Variants in SMYD3 observed in about 807,000 individuals in gnomAD.
SMYD3 encodes the protein histone-lysine N-methyltransferase SMYD3.
SMYD3 carries 36 observed loss-of-function variants against 57.7 expected under a neutral mutation model. The ratio of observed to expected loss-of-function variants is 0.62; its 90% CI spans 0.48 to 0.82. The LOEUF is 0.82. Ranked by LOEUF, SMYD3 falls within the 40% of genes least tolerant of loss-of-function variation. The probability of loss-of-function intolerance (pLI) is 0.00; values close to 1 mark genes in which losing one functional copy is unlikely to be tolerated. For synonymous variants in SMYD3, 211 were observed against 195.0 expected (o/e 1.08, Z -0.68); for missense variants, 515 against 538.8 (o/e 0.96, Z 0.44).
At chr1:246,329,244 T>G (rs999158554) in intron 4 of SMYD3, among the ~76,000 whole-genome samples, 5 of 152,190 alleles carry the variant, frequency 3.3e-5, no homozygotes, top group Non-Finnish European at 7.4e-5. Context: ...TTTCTAGTTC[T>G]AGATCCCTGA....
intron 8 of SMYD3, among the ~76,000 whole-genome samples, chr1:245,888,657 G>A (rs1382582073): frequency 6.6e-6 from 1 of 152,170 alleles, no homozygotes; most frequent in East Asian, 1.9e-4. Flanking sequence ...CTGACTTTCT[G>A]ACAAACCACT....
intron 11 of SMYD3, among the ~76,000 whole-genome samples, chr1:245,754,170 T>A (rs188863424): frequency 6.6e-6 from 1 of 152,212 alleles, no homozygotes; most frequent in East Asian, 1.9e-4. Flanking sequence ...TCTGTTTTTT[T>A]AAGTAATTTT....
intron 8 of SMYD3, among the ~76,000 whole-genome samples, chr1:245,890,830 T>C (rs534731238): frequency 7.2e-5 from 11 of 152,256 alleles, no homozygotes; most frequent in Admixed American, 5.9e-4. Flanking sequence ...TGAGTGTCTG[T>C]TGATAGATGA....
At chr1:246,280,325 T>G (rs2064416997) in intron 5 of SMYD3, among the ~76,000 whole-genome samples, 1 of 152,232 alleles carries the variant, frequency 6.6e-6, no homozygotes, top group Non-Finnish European at 1.5e-5. Flanking sequence ...GCACATGATA[T>G]AGTCAGGCTT....
intron 5 of SMYD3, among the ~76,000 whole-genome samples, chr1:246,111,012 C>T (rs764675094): frequency 7.2e-5 from 11 of 152,162 alleles, no homozygotes; most frequent in South Asian, 4.1e-4. Context: ...CAAATCCTTG[C>T]GCAAAGAGAA....
chr1:246,034,758 A>T (rs74154349), intron 5 of SMYD3: 16,490 of 152,400 alleles, frequency 0.11, 1,678 homozygotes, highest in African/African-American at 0.26. Flanking sequence ...TGAAGAACTG[A>T]TGGCAGACGC....
intron 10 of SMYD3, among the ~76,000 whole-genome samples, chr1:245,796,907 T>C (rs2047547233): frequency 6.6e-6 from 1 of 152,130 alleles, no homozygotes; most frequent in East Asian, 1.9e-4. Flanking sequence ...GCATCACAAT[T>C]CCAATTAGTC....
chr1:246,121,089 T>A (rs2061417327), intron 5 of SMYD3, among the ~76,000 whole-genome samples: 1 of 152,216 alleles, frequency 6.6e-6, no homozygotes, highest in Admixed American at 6.5e-5. Context: ...AATACAGCTT[T>A]TAAGACAGAA....
intron 5 of SMYD3, among the ~76,000 whole-genome samples, chr1:245,942,251 A>C (rs2057275254): frequency 6.6e-6 from 1 of 152,238 alleles, no homozygotes; most frequent in African/African-American, 2.4e-5. Context: ...GTGCAAAGAC[A>C]CACGCAGGCT....
intron 8 of SMYD3, among the ~76,000 whole-genome samples, chr1:245,887,646 A>T (rs2053162280): frequency 6.6e-6 from 1 of 152,174 alleles, no homozygotes; most frequent in East Asian, 1.9e-4. Flanking sequence ...AAGTCTTTCT[A>T]GACTGACCAG....
At chr1:245,800,854 A>G (rs751389026) in intron 10 of SMYD3, among the ~76,000 whole-genome samples, 40 of 152,308 alleles carry the variant, frequency 2.6e-4, no homozygotes, top group Non-Finnish European at 7.3e-5. Flanking sequence ...GTGGCTAAAG[A>G]GTAATACCAC....
intron 5 of SMYD3, chr1:246,113,645 C>T (rs1009853220): frequency 3.3e-5 from 5 of 152,194 alleles, no homozygotes; most frequent in African/African-American, 1.2e-4. Flanking sequence ...TTTATCACGT[C>T]GTATTATCAC....
chr1:246,419,465 T>C (rs545430969), intron 1 of SMYD3, among the ~76,000 whole-genome samples: 8 of 152,318 alleles, frequency 5.3e-5, no homozygotes, highest in East Asian at 1.9e-4. Context: ...TGGGTTTTTA[T>C]AGGCCCAGGA....
chr1:245,775,669 C>T (rs1179415618), intron 10 of SMYD3, among the ~76,000 whole-genome samples: 1 of 149,994 alleles, frequency 6.7e-6, no homozygotes, highest in African/African-American at 2.5e-5. Context: ...TATGACCCTG[C>T]CAAATCCCCC....
In SMYD3 at chr1:245,767,295, T is replaced by A. The variant is rs115282741; in HGVS notation, c.1077-3146A>T. ...GTGAGGACTAAAGCAGGAGTCTGAG[T>A]GAGAAGGTGAGGGGAAGATGCACCT... is the stretch of plus-strand genomic sequence containing the variant. On this transcript the variant is annotated intron_variant, in intron 10 of 11. Transcript: ENST00000490107. Among the ~76,000 whole-genome samples, 341 of 151,966 alleles carry A rather than the reference T, an allele frequency of 2.2e-3. 1 individual carries two copies. Among genetic ancestry groups the A allele is most frequent in the Non-Finnish European group, 4.0e-3 (272 of 67,942 alleles).
chr1:246,135,857 C>T (rs1381321543), intron 5 of SMYD3, among the ~76,000 whole-genome samples: 1 of 152,128 alleles, frequency 6.6e-6, no homozygotes, highest in Non-Finnish European at 1.5e-5. Context: ...GGTCCATTAC[C>T]TTTCAAGCAT....
intron 8 of SMYD3, among the ~76,000 whole-genome samples, chr1:245,866,023 T>C (rs2051816776): frequency 6.6e-6 from 1 of 152,162 alleles, no homozygotes; most frequent in East Asian, 1.9e-4. Flanking sequence ...ACGAGGGACA[T>C]TTTCATACTC....
At position 246,467,148 on chromosome 1, in the gene SMYD3, C is replaced by T. The variant is rs141496180; in HGVS notation, c.164+39906G>A. Among the ~76,000 whole-genome samples, 1,254 of 151,690 alleles carry T rather than the reference C, an allele frequency of 8.3e-3. 15 individuals are homozygous for T. The highest frequency in any genetic ancestry group is 0.013 in the Non-Finnish European group (903 of 67,926). ...TCACATCACTGCACTCCAGCCTTGGCGACAGAGTGAGACTCCATCTCAAAA... is the reference window on the plus strand; with the variant it reads ...TCACATCACTGCACTCCAGCCTTGGTGACAGAGTGAGACTCCATCTCAAAA... On this transcript the variant is annotated intron_variant, in intron 1 of 11. Transcript: ENST00000490107.
intron 2 of SMYD3, among the ~76,000 whole-genome samples, chr1:246,351,558 C>T (rs764110962): frequency 7.9e-5 from 12 of 152,080 alleles, no homozygotes; most frequent in Non-Finnish European, 1.5e-4. Context: ...AAGGTATAGA[C>T]CAGAATATAA....
Sources: allele counts gnomAD v4.1 joint callset (sites outside exome capture counted in the v4.1 genomes callset), GRCh38; gene constraint gnomAD v4.1.1; transcripts MANE v1.5; gene names NCBI Gene and HGNC (gene_info 2026-07-23, HGNC 2026-07-21).